Variants in CMTR1 observed in about 807,000 individuals in gnomAD.
The protein encoded by CMTR1 is cap-specific mRNA (nucleoside-2'-O-)-methyltransferase 1.
A neutral mutation model predicts 107.0 loss-of-function variants in CMTR1; 39 were observed. That is an observed-to-expected ratio of 0.36 (90% CI 0.28 to 0.48). The LOEUF is 0.48. CMTR1 is among the 20% of genes least tolerant of loss of function. The pLI, the probability that CMTR1 is intolerant of heterozygous loss-of-function variation, is 0.99. For missense variants in CMTR1, 672 were observed against 1,064.9 expected (o/e 0.63, Z 5.14); for synonymous variants, 366 against 379.5 (o/e 0.96, Z 0.41).
chr6:37,472,672 A>G lies in CMTR1; in HGVS notation c.1689+185A>G, dbSNP rs1023948390. ...TTGGTATAGGGTGTTGAATTCCCCAAGAGCACAGTCAGGCCAACGGAAGAT... is the reference window on the plus strand; with the variant it reads ...TTGGTATAGGGTGTTGAATTCCCCAGGAGCACAGTCAGGCCAACGGAAGAT... On this transcript the variant is annotated intron_variant, in intron 16 of 23. Transcript: ENST00000373451. The surrounding 1 kb of genome is among the most constrained non-coding windows in gnomAD (Gnocchi z 4.1). 6.6e-6 allele frequency among the ~76,000 whole-genome samples: 1 copy of G among 152,206 alleles called. No individual in the cohort carries two copies. Among genetic ancestry groups the G allele is most frequent in the Non-Finnish European group, 1.5e-5 (1 of 68,024 alleles).
intron 8 of CMTR1, among the ~76,000 whole-genome samples, chr6:37,455,343 T>G (rs1337748775): frequency 6.6e-6 from 1 of 152,154 alleles, no homozygotes; most frequent in Non-Finnish European, 1.5e-5. Flanking sequence ...CCTCCCAAAG[T>G]GTTGGGATTG....
chr6:37,474,625 T>C lies in CMTR1; in HGVS notation c.1923T>C (p.Ile641=). Residue 641 remains isoleucine (I), a synonymous_variant, in exon 18 of 24, where the codon ATT becomes ATC. Transcript: ENST00000373451. ...LPRDTLLSVE[I]VHELKGEGKA... is the part of the protein sequence containing the mutation. ...GGGACACTCTGCTATCTGTGGAAATTGTGCATGAGCTGAAAGGGGAGGTCA... is the reference window on the plus strand; with the variant it reads ...GGGACACTCTGCTATCTGTGGAAATCGTGCATGAGCTGAAAGGGGAGGTCA... 1.2e-6 allele frequency: 2 copies of C among 1,613,946 alleles called. No individual in the cohort carries two copies. The highest frequency in any genetic ancestry group is 1.7e-6 in the Non-Finnish European group (2 of 1,179,898).
chr6:37,476,205 G>A lies in CMTR1; in HGVS notation c.2105+11G>A, dbSNP rs763287075. On this transcript the variant is annotated intron_variant, in intron 20 of 23. Coordinates refer to ENST00000373451, the MANE Select transcript of CMTR1 (RefSeq NM_015050.3). ...CATGAATCCCATCAGGTGAGCATGT[G>A]GTCCCTACCCTCCATGCTTCTTTCT... 8.1e-6 allele frequency: 13 copies of A among 1,613,576 alleles called. No homozygotes were observed. Among genetic ancestry groups the A allele is most frequent in the African/African-American group, 1.3e-5 (1 of 75,016 alleles).
At position 37,473,471 on chromosome 6, in the gene CMTR1, G is replaced by A; in HGVS notation, c.1691G>A (p.Gly564Asp). Residue 564 changes from glycine to aspartate, a missense_variant and splice_region_variant, in exon 17 of 24, where the codon GGC becomes GAC. Gly to Asp is a moderately conservative substitution (Grantham distance 94). This residue lies in a region of CMTR1 where 583 missense variants were observed against 968.4 expected (regional missense o/e 0.60). Coordinates refer to ENST00000373451, the MANE Select transcript of CMTR1 (RefSeq NM_015050.3). ...PKSKFFELIQ[G>D]TEIDIFSYKP... Reference sequence around the variant, plus strand: ...GTTTTCTCTGACTCGTGGCTGCAGGGCACTGAGATTGACATCTTCAGCTAC... The same window carrying A: ...GTTTTCTCTGACTCGTGGCTGCAGGACACTGAGATTGACATCTTCAGCTAC... 2 of 1,613,062 alleles carry A rather than the reference G, an allele frequency of 1.2e-6. No homozygotes were observed. Among genetic ancestry groups the A allele is most frequent in the Non-Finnish European group, 1.7e-6 (2 of 1,179,434 alleles).
chr6:37,441,411 T>A (rs1407272690), intron 2 of CMTR1, among the ~76,000 whole-genome samples: 2 of 151,988 alleles, frequency 1.3e-5, no homozygotes, highest in African/African-American at 4.8e-5. Context: ...TTACCCTAAT[T>A]TTCTTTTTCT....
intron 21 of CMTR1, among the ~76,000 whole-genome samples, chr6:37,478,014 G>C (rs1016452794): frequency 6.6e-6 from 1 of 152,212 alleles, no homozygotes; most frequent in East Asian, 1.9e-4. Flanking sequence ...GCATAAATGC[G>C]TCCTTATATT....
chr6:37,425,812 A>G, the CMTR1 span, among the ~76,000 whole-genome samples: 1 of 152,104 alleles, frequency 6.6e-6, no homozygotes, highest in Non-Finnish European at 1.5e-5. Context: ...TTGAATCTTT[A>G]TATTCATCAA....
intron 4 of CMTR1, 130 bp from the exon 5 acceptor site, chr6:37,450,121 G>C: frequency 1.5e-6 from 1 of 677,670 alleles, no homozygotes; most frequent in Admixed American, 2.6e-5. Context: ...ACTGCATTTG[G>C]CTTCAGCAAC....
chr6:37,433,801 G>T (rs991994740), intron 1 of CMTR1, among the ~76,000 whole-genome samples: 1 of 152,236 alleles, frequency 6.6e-6, no homozygotes, highest in African/African-American at 2.4e-5. Flanking sequence ...GCTGGCATGT[G>T]TGGGTCACTT....
intron 13 of CMTR1, among the ~76,000 whole-genome samples, chr6:37,465,858 G>T (rs1761497955): frequency 6.6e-6 from 1 of 151,754 alleles, no homozygotes; most frequent in Non-Finnish European, 1.5e-5. Context: ...AACTGTAGGA[G>T]TTCTTTATAT....
intron 2 of CMTR1, among the ~76,000 whole-genome samples, chr6:37,441,425 T>TC (rs549721210): frequency 1.8e-3 from 267 of 152,204 alleles, no homozygotes; most frequent in Non-Finnish European, 1.6e-3. Flanking sequence ...TTTTTCTTTT[T>TC]TTTTTTGAGA....
At chr6:37,457,413 C>T (rs1457573648) in intron 8 of CMTR1, among the ~76,000 whole-genome samples, 3 of 152,020 alleles carry the variant, frequency 2.0e-5, no homozygotes, top group Non-Finnish European at 4.4e-5. Flanking sequence ...TCTGACTGTG[C>T]CCTGCCCCAA....
upstream of CMTR1, among the ~76,000 whole-genome samples, chr6:37,432,201 G>A (rs1368473508): frequency 1.3e-5 from 2 of 152,186 alleles, no homozygotes; most frequent in Non-Finnish European, 2.9e-5. Context: ...CTGAAGAAGG[G>A]GTCATGCTGG....
At chr6:37,432,795 G>A (rs959660755), upstream of CMTR1, among the ~76,000 whole-genome samples, 4 of 152,176 alleles carry the variant, frequency 2.6e-5, no homozygotes, top group Admixed American at 2.0e-4. Flanking sequence ...TGCTACAGGC[G>A]GCATTCCTTC....
At chr6:37,436,465 A>C (rs564514679) in intron 2 of CMTR1, 1 of 152,262 alleles carries the variant, frequency 6.6e-6, no homozygotes, top group Admixed American at 6.5e-5. Flanking sequence ...TGGGTGACCC[A>C]AAACAACAGA....
chr6:37,439,729 A>G (rs1771623189), intron 2 of CMTR1, among the ~76,000 whole-genome samples: 1 of 152,198 alleles, frequency 6.6e-6, no homozygotes, highest in Non-Finnish European at 1.5e-5. Context: ...ATTTTTCTGT[A>G]TCTGTGTGCT....
chr6:37,458,526 A>T lies in CMTR1; in HGVS notation c.778-86A>T. 1 of 1,351,562 alleles carries T rather than the reference A, an allele frequency of 7.4e-7. No homozygotes were observed. 83.7% of individuals were successfully genotyped at this position (1,351,562 alleles called of 1,614,324 possible). On this transcript the variant is annotated intron_variant, in intron 8 of 23. Transcript: ENST00000373451. The surrounding 1 kb of genome is among the most constrained non-coding windows in gnomAD (Gnocchi z 4.7). ...CTGGATTGTACTTGCCGAAAGGCTTATTTTACTCTCCCTGCATTCTCCTTC... is the reference window on the plus strand; with the variant it reads ...CTGGATTGTACTTGCCGAAAGGCTTTTTTTACTCTCCCTGCATTCTCCTTC...
At position 37,474,592 on chromosome 6, in the gene CMTR1, G is replaced by T; in HGVS notation, c.1890G>T (p.Glu630Asp). 6.2e-7 allele frequency: 1 copy of T among 1,614,170 alleles called. No individual in the cohort carries two copies. Among genetic ancestry groups the T allele is most frequent in the Non-Finnish European group, 8.5e-7 (1 of 1,180,016 alleles). Residue 630 changes from glutamate to aspartate, a missense_variant, in exon 18 of 24, where the codon GAG (glutamate) becomes GAT (aspartate). Transcript: ENST00000373451. ...GGATCAAGCTAGACCTGAAGACAGA[G>T]CTGCCCCGGGACACTCTGCTATCTG... is the stretch of plus-strand genomic sequence containing the variant. ...DRWIKLDLKTELPRDTLLSVE... is the reference protein window; with the variant it reads ...DRWIKLDLKTDLPRDTLLSVE...
Position 37,481,459 on chromosome 6 carries a change from T to G in CMTR1, c.*1314T>G. The G allele has an allele frequency of 3.5e-6, 4 of 1,150,894 alleles. No individual in the cohort carries two copies. Among genetic ancestry groups the G allele is most frequent in the Non-Finnish European group, 4.3e-6 (4 of 923,840 alleles). 71.3% of individuals were successfully genotyped at this position (1,150,894 alleles called of 1,614,324 possible). On this transcript the variant is annotated 3_prime_UTR_variant, in exon 24 of 24. Transcript: ENST00000373451. ...GTATTTCCACCCAATTCTGGGTATATCAGTGTGTCTTGCAGAATCTTGGAT... is the reference window on the plus strand; with the variant it reads ...GTATTTCCACCCAATTCTGGGTATAGCAGTGTGTCTTGCAGAATCTTGGAT...
Sources: gnomAD v4.1 joint callset for allele counts (sites outside exome capture counted in the v4.1 genomes callset) on GRCh38, gnomAD v4.1.1 for gene constraint, gnomAD v4.1.1 regional missense constraint, Gnocchi (gnomAD v3.1) non-coding constraint, MANE v1.5 for transcripts, NCBI Gene and HGNC (gene_info 2026-07-23, HGNC 2026-07-21) for gene names.